The following FRMD4B variants were observed in gnomAD, a reference collection of about 807,000 sequenced individuals.
FRMD4B encodes FERM domain-containing protein 4B.
A neutral mutation model predicts 141.5 loss-of-function variants in FRMD4B; 74 were observed. The ratio of observed to expected loss-of-function variants is 0.52; its 90% CI spans 0.43 to 0.63. FRMD4B has a LOEUF of 0.63. Among genes scored for constraint, FRMD4B ranks in the 30% least tolerant of loss-of-function variants. FRMD4B has a pLI of 0.00. For missense variants in FRMD4B, 1,366 were observed against 1,253.4 expected, an observed-to-expected ratio of 1.09 and a Z score of -1.36; for synonymous variants, 506 against 467.9, an observed-to-expected ratio of 1.08 and a Z score of -1.05.
At chr3:69,512,854 T>C (rs1706711000) in intron 1 of FRMD4B, among the ~76,000 whole-genome samples, 1 of 152,148 alleles carries the variant, frequency 6.6e-6, no homozygotes, top group African/African-American at 2.4e-5. Flanking sequence ...TTTAAAAATA[T>C]ACTGAGATAA....
upstream of FRMD4B, chr3:69,386,124 C>T (rs1252614180): frequency 3.7e-6 from 3 of 811,316 alleles, no homozygotes; most frequent in Non-Finnish European, 5.6e-6. Flanking sequence ...CCAAACTCGT[C>T]TTTCACCGTG....
intron 7 of FRMD4B, among the ~76,000 whole-genome samples, chr3:69,230,814 T>C (rs1303773170): frequency 1.3e-5 from 2 of 151,230 alleles, no homozygotes; most frequent in Non-Finnish European, 2.9e-5. Flanking sequence ...CCCATAACAG[T>C]ATAAATGCTT....
At chr3:69,490,628 T>C (rs1334587765) in intron 1 of FRMD4B, among the ~76,000 whole-genome samples, 1 of 152,212 alleles carries the variant, frequency 6.6e-6, no homozygotes, top group African/African-American at 2.4e-5. Flanking sequence ...TCTCACTGTA[T>C]TTGTGTCATG....
intron 5 of FRMD4B, among the ~76,000 whole-genome samples, chr3:69,274,109 A>G (rs2093607170): frequency 1.3e-5 from 2 of 152,120 alleles, no homozygotes; most frequent in Admixed American, 1.3e-4. Flanking sequence ...TTATTTCAGT[A>G]TGACCGCAGG....
intron 21 of FRMD4B, among the ~76,000 whole-genome samples, chr3:69,178,222 C>G (rs1466298527): frequency 1.3e-5 from 2 of 152,222 alleles, no homozygotes; most frequent in Non-Finnish European, 2.9e-5. Context: ...CTCTCTCATA[C>G]ACACAAAGTG....
intron 1 of FRMD4B, among the ~76,000 whole-genome samples, chr3:69,331,183 C>T (rs769743841): frequency 2.6e-5 from 4 of 152,278 alleles, no homozygotes; most frequent in Non-Finnish European, 5.9e-5. Context: ...AGTAGGATCA[C>T]TCAAAAAAGC....
rs532497388 is a variant in FRMD4B at position 69,362,584 on chromosome 3, G to T, written c.162+23244C>A. Among the ~76,000 whole-genome samples the T allele has an allele frequency of 5.9e-5, 9 of 152,270 alleles. No individual in the cohort carries two copies. In the South Asian group the frequency reaches 1.9e-3, roughly 32 times the overall value. On this transcript the variant is annotated intron_variant, in intron 1 of 22. Transcript: ENST00000398540. ...TCCAGCTACTCAGGAAGCTGAGGCAGGAGAATCGCTTGAAACTGGAAGGCG... is the reference window on the plus strand; with the variant it reads ...TCCAGCTACTCAGGAAGCTGAGGCATGAGAATCGCTTGAAACTGGAAGGCG...
rs938431743 is a variant in FRMD4B, at chr3:69,385,959, C to A, written c.31G>T (p.Asp11Tyr). The part of the protein sequence containing the change: MASVFMCGVE[D>Y]LLFSGSRFVW... ...AAGCGGCTGCCGCTGAACAGCAGGT[C>A]CTCCACGCCACACATGAACACCGAA... is the stretch of plus-strand genomic sequence containing the variant. The change falls in exon 1 of 23, where the codon GAC (aspartate) becomes TAC (tyrosine). Residue 11 changes from aspartate to tyrosine, a missense_variant. Coordinates refer to ENST00000398540, the MANE Select transcript of FRMD4B (RefSeq NM_015123.3). 5.6e-6 allele frequency: 9 copies of A among 1,604,690 alleles called. No individual in the cohort carries two copies. The highest frequency in any genetic ancestry group is 6.8e-6 in the Non-Finnish European group (8 of 1,175,980).
At chr3:69,282,348 A>AG (rs1382367468) in intron 5 of FRMD4B, among the ~76,000 whole-genome samples, 7 of 152,178 alleles carry the variant, frequency 4.6e-5, no homozygotes, top group South Asian at 2.1e-4. Flanking sequence ...TGCAGTGTGG[A>AG]GGGGGGGCCC....
At chr3:69,347,622 A>C (rs1318202857) in intron 1 of FRMD4B, among the ~76,000 whole-genome samples, 1 of 152,218 alleles carries the variant, frequency 6.6e-6, no homozygotes, top group African/African-American at 2.4e-5. Flanking sequence ...CAGAAATTAT[A>C]ACAAACGGTC....
chr3:69,353,736 C>T lies in FRMD4B; in HGVS notation c.162+32092G>A, dbSNP rs114744860. 4,941 of 980,880 alleles carry T rather than the reference C, an allele frequency of 5.0e-3. 187 individuals carry two copies. In the African/African-American group the frequency reaches 0.077, roughly 15 times the overall value. 60.8% of individuals were successfully genotyped at this position (980,880 alleles called of 1,614,324 possible). A position where few individuals can be genotyped will look rare whatever the true frequency, so the allele number is the denominator to read the frequency against. ...TAAAAACTCCCGACGCCTTCCGCTG[C>T]CATATAATCTCAAGGAAATGACCAT... On this transcript the variant is annotated intron_variant, in intron 1 of 22. Coordinates refer to ENST00000398540, the MANE Select transcript of FRMD4B (RefSeq NM_015123.3).
chr3:69,328,099 G>A (rs1702243240), intron 1 of FRMD4B, among the ~76,000 whole-genome samples: 1 of 152,208 alleles, frequency 6.6e-6, no homozygotes, highest in Non-Finnish European at 1.5e-5. Context: ...TCTTTTGAGA[G>A]ACAGAATGGT....
At chr3:69,357,815 G>C (rs752976967) in intron 1 of FRMD4B, among the ~76,000 whole-genome samples, 1 of 152,186 alleles carries the variant, frequency 6.6e-6, no homozygotes, top group Non-Finnish European at 1.5e-5. Flanking sequence ...TTGAAGACCA[G>C]CTCATCTCCT....
chr3:69,308,491 G>A (rs993075820), intron 3 of FRMD4B, among the ~76,000 whole-genome samples: 1 of 149,586 alleles, frequency 6.7e-6, no homozygotes, highest in African/African-American at 2.5e-5. Flanking sequence ...GGGCTGGAGT[G>A]CAGTGGTGAG....
At chr3:69,416,880 C>T (rs985963655) in intron 2 of FRMD4B, among the ~76,000 whole-genome samples, 4 of 152,132 alleles carry the variant, frequency 2.6e-5, no homozygotes, top group African/African-American at 9.7e-5. Context: ...AGGACATGAA[C>T]TCATTCTTTT....
At chr3:69,245,704 T>C (rs1452606150) in intron 7 of FRMD4B, among the ~76,000 whole-genome samples, 4 of 145,944 alleles carry the variant, frequency 2.7e-5, no homozygotes, top group African/African-American at 1.0e-4. Flanking sequence ...CACTCTGTCA[T>C]CCAGGATGGA....
chr3:69,356,277 T>G (rs1246532814), intron 1 of FRMD4B, among the ~76,000 whole-genome samples: 1 of 152,142 alleles, frequency 6.6e-6, no homozygotes, highest in Non-Finnish European at 1.5e-5. Flanking sequence ...GATTAACATT[T>G]AAGTCAGTGG....
chr3:69,427,063 T>G (rs1705093904), intron 2 of FRMD4B, among the ~76,000 whole-genome samples: 1 of 152,180 alleles, frequency 6.6e-6, no homozygotes, highest in African/African-American at 2.4e-5. Flanking sequence ...TCAGGTGTGC[T>G]GAGAGAAAAT....
intron 1 of FRMD4B, among the ~76,000 whole-genome samples, chr3:69,341,013 G>C (rs1366135373): frequency 6.6e-6 from 1 of 152,120 alleles, no homozygotes; most frequent in African/African-American, 2.4e-5. Flanking sequence ...ATACAAAAAA[G>C]GAGTTGCATA....
Sources: allele counts gnomAD v4.1 joint callset (sites outside exome capture counted in the v4.1 genomes callset), GRCh38; gene constraint gnomAD v4.1.1; transcripts MANE v1.5; gene names NCBI Gene and HGNC (gene_info 2026-07-23, HGNC 2026-07-21).